FOXN3: variants seen among roughly 807,000 people sequenced by gnomAD.
FOXN3 encodes the protein forkhead box N3.
FOXN3 carries 7 observed loss-of-function variants against 38.4 expected under a neutral mutation model. The observed-to-expected ratio is 0.18, with a 90% CI of 0.10 to 0.34. The LOEUF is 0.34. Ranked by LOEUF, FOXN3 falls within the 10% of genes least tolerant of loss-of-function variation. The pLI is 1.00. For synonymous variants in FOXN3, 230 were observed against 242.2 expected, an observed-to-expected ratio of 0.95 and a Z score of 0.47; for missense variants, 456 against 613.4, an observed-to-expected ratio of 0.74 and a Z score of 2.71.
In FOXN3 at chr14:89,458,722, G is replaced by A. The variant is rs184376213; in HGVS notation, c.-14-46232C>T. On this transcript the variant is annotated intron_variant, in intron 1 of 6. Transcript: ENST00000345097. ...CACTGCAGGCTATTTTGTCGGGGGT[G>A]TGGAGCCCTCTCTGCTGGTTCCATG... is the stretch of plus-strand genomic sequence containing the variant. Among the ~76,000 whole-genome samples, 351 of 152,236 alleles carry A rather than the reference G, an allele frequency of 2.3e-3. 4 individuals carry two copies. The highest frequency in any genetic ancestry group is 7.7e-3 in the African/African-American group (320 of 41,546).
At chr14:89,516,368 G>C (rs1894202831) in intron 1 of FOXN3, among the ~76,000 whole-genome samples, 1 of 152,128 alleles carries the variant, frequency 6.6e-6, no homozygotes, top group Non-Finnish European at 1.5e-5. Flanking sequence ...GTAGAAGTAA[G>C]TAAACCACCG....
At chr14:89,505,960 A>G (rs1344195098) in intron 1 of FOXN3, among the ~76,000 whole-genome samples, 1 of 138,494 alleles carries the variant, frequency 7.2e-6, no homozygotes, top group African/African-American at 2.8e-5. Context: ...TCTGCCTGGC[A>G]ACCGCCCCGT....
At chr14:89,415,735 T>A (rs759467954) in intron 1 of FOXN3, among the ~76,000 whole-genome samples, 2 of 149,148 alleles carry the variant, frequency 1.3e-5, no homozygotes, top group Non-Finnish European at 3.0e-5. Context: ...AAAAAAAGAA[T>A]CTGGATCATG....
At chr14:89,575,812 C>T (rs771191356) in intron 1 of FOXN3, among the ~76,000 whole-genome samples, 10 of 152,222 alleles carry the variant, frequency 6.6e-5, no homozygotes, top group Non-Finnish European at 1.3e-4. Flanking sequence ...TAGGCAAAGT[C>T]GTGGCCATGT....
chr14:89,605,568 G>A (rs1228212458), intron 1 of FOXN3, among the ~76,000 whole-genome samples: 1 of 152,052 alleles, frequency 6.6e-6, no homozygotes, highest in Non-Finnish European at 1.5e-5. Context: ...AATGCATTAT[G>A]TATTTCAGTT....
chr14:89,506,515 C>A (rs1461260167), intron 1 of FOXN3, among the ~76,000 whole-genome samples: 1 of 149,730 alleles, frequency 6.7e-6, no homozygotes, highest in Non-Finnish European at 1.5e-5. Flanking sequence ...GGGGTCAGCC[C>A]CCCGCCTGGC....
chr14:89,550,681 T>C (rs1894986071), intron 1 of FOXN3, among the ~76,000 whole-genome samples: 1 of 152,214 alleles, frequency 6.6e-6, no homozygotes, highest in Non-Finnish European at 1.5e-5. Context: ...CACCAGCTCA[T>C]ACCACATCAG....
chr14:89,295,575 G>A (rs928684623), intron 3 of FOXN3, among the ~76,000 whole-genome samples: 1 of 151,756 alleles, frequency 6.6e-6, no homozygotes, highest in Admixed American at 6.6e-5. Context: ...CAAACACTAA[G>A]GATTTTTTTT....
intron 4 of FOXN3, among the ~76,000 whole-genome samples, chr14:89,205,836 A>C (rs886595624): frequency 2.6e-4 from 39 of 152,302 alleles, no homozygotes; most frequent in African/African-American, 8.9e-4. Flanking sequence ...GCTCCCCACG[A>C]CCTTCCCGTC....
chr14:89,394,311 C>T (rs1459886723), intron 2 of FOXN3, among the ~76,000 whole-genome samples: 1 of 144,430 alleles, frequency 6.9e-6, no homozygotes, highest in Non-Finnish European at 1.5e-5. Context: ...TCAAGCAATT[C>T]TCCTGCCTCA....
At chr14:89,236,556 T>C (rs1323042406) in intron 4 of FOXN3, among the ~76,000 whole-genome samples, 4 of 152,106 alleles carry the variant, frequency 2.6e-5, no homozygotes, top group Non-Finnish European at 5.9e-5. Flanking sequence ...GCACCTCCTC[T>C]ACCACTGAGG....
intron 3 of FOXN3, among the ~76,000 whole-genome samples, chr14:89,335,815 A>T (rs12886326): frequency 0.18 from 27,219 of 152,152 alleles, 2,831 homozygotes; most frequent in South Asian, 0.3. Flanking sequence ...TTTTAAAAAA[A>T]CTAAATTCAA....
rs370169419 is a variant in FOXN3 at position 89,518,832 on chromosome 14, T to C, written c.-15+100196A>G. The stretch of plus-strand genomic sequence containing the variant: ...GAGTTCAAGACCAGCCTGGCCAAGA[T>C]GGTGAAACCCCATCTCTACTAAAAA... On this transcript the variant is annotated intron_variant, in intron 1 of 6. Coordinates refer to the FOXN3 transcript ENST00000345097. 2.9e-4 allele frequency among the ~76,000 whole-genome samples: 44 copies of C among 152,172 alleles called. No homozygotes were observed. In the South Asian group the frequency reaches 8.7e-3, roughly 30 times the overall value.
chr14:89,594,807 A>C (rs1037261078), intron 1 of FOXN3, among the ~76,000 whole-genome samples: 13 of 152,020 alleles, frequency 8.6e-5, no homozygotes, highest in Non-Finnish European at 1.2e-4. Context: ...AATCACCTGA[A>C]TCCGGGAGGC....
chr14:89,431,931 T>C (rs1215576691), intron 1 of FOXN3, among the ~76,000 whole-genome samples: 1 of 152,090 alleles, frequency 6.6e-6, no homozygotes, highest in African/African-American at 2.4e-5. Context: ...GTCAGGCTGG[T>C]CTCAAACTCC....
At chr14:89,395,084 C>T (rs1244662916) in intron 2 of FOXN3, among the ~76,000 whole-genome samples, 2 of 152,224 alleles carry the variant, frequency 1.3e-5, no homozygotes, top group Non-Finnish European at 1.5e-5. Flanking sequence ...ATGTAAGCTG[C>T]CACATCTAGC....
intron 2 of FOXN3, among the ~76,000 whole-genome samples, chr14:89,360,758 CTCCACCACT>C (rs1188570385): frequency 4.0e-4 from 44 of 109,956 alleles, no homozygotes; most frequent in Non-Finnish European, 5.7e-4. Context: ...CCACCACCAC[CTCCACCACT>C]ACCACCTCCA....
chr14:89,479,001 G>A (rs932030429), intron 1 of FOXN3, among the ~76,000 whole-genome samples: 11 of 149,436 alleles, frequency 7.4e-5, no homozygotes, highest in African/African-American at 2.7e-4. Context: ...TTTTACAGAT[G>A]GGGAAATGGA....
intron 2 of FOXN3, among the ~76,000 whole-genome samples, chr14:89,359,748 T>G (rs989547011): frequency 6.6e-6 from 1 of 152,140 alleles, no homozygotes; most frequent in Admixed American, 6.5e-5. Context: ...ACCTCCTTCC[T>G]TAAGGAGGAG....
Sources: gnomAD v4.1 joint callset for allele counts (sites outside exome capture counted in the v4.1 genomes callset) on GRCh38, gnomAD v4.1.1 for gene constraint, MANE v1.5 for transcripts, NCBI Gene and HGNC (gene_info 2026-07-23, HGNC 2026-07-21) for gene names.